The following WIPF2 variants were observed in gnomAD, a reference collection of about 807,000 sequenced individuals.
WIPF2 encodes WAS/WASL-interacting protein family member 2.
Under a neutral mutation model 38.8 loss-of-function variants are expected in WIPF2, and 23 were observed. The observed-to-expected ratio is 0.59, with a 90% CI of 0.43 to 0.84. The LOEUF (loss-of-function observed/expected upper bound fraction) is 0.84, where lower values mean the gene tolerates loss of function less well. Ranked by LOEUF, WIPF2 falls within the 40% of genes least tolerant of loss-of-function variation. WIPF2 has a pLI of 0.00. For synonymous variants in WIPF2, 210 were observed against 223.2 expected (o/e 0.94, Z 0.53); for missense variants, 574 against 580.5 (o/e 0.99, Z 0.11).
At chr17:40,267,525 G>A (rs1265584603) in intron 5 of WIPF2, among the ~76,000 whole-genome samples, 1 of 152,018 alleles carries the variant, frequency 6.6e-6, no homozygotes, top group East Asian at 1.9e-4. Context: ...CAGCTTCTTG[G>A]CCTTTATTTA....
chr17:40,240,960 A>G (rs1370444678), intron 1 of WIPF2, among the ~76,000 whole-genome samples: 4 of 151,988 alleles, frequency 2.6e-5, no homozygotes, highest in Non-Finnish European at 4.4e-5. Context: ...AAAAAAAAAA[A>G]AATCCTTTTG....
intron 1 of WIPF2, among the ~76,000 whole-genome samples, chr17:40,251,167 G>A (rs1323745315): frequency 6.6e-6 from 1 of 151,992 alleles, no homozygotes; most frequent in Admixed American, 6.6e-5. Flanking sequence ...GCCCTCCTCG[G>A]CCTCCCAAAG....
chr17:40,263,755 C>G (rs1330592612), intron 4 of WIPF2, among the ~76,000 whole-genome samples: 1 of 151,660 alleles, frequency 6.6e-6, no homozygotes, highest in African/African-American at 2.4e-5. Context: ...GTTGGCCAGG[C>G]TGGTCTCAAA....
At chr17:40,227,903 A>T (rs1360713543) in intron 1 of WIPF2, among the ~76,000 whole-genome samples, 1 of 151,826 alleles carries the variant, frequency 6.6e-6, no homozygotes, top group African/African-American at 2.4e-5. Context: ...GTACATATAA[A>T]GCAAATATGT....
chr17:40,253,856 G>C (rs1452240584), intron 1 of WIPF2, among the ~76,000 whole-genome samples: 2 of 152,120 alleles, frequency 1.3e-5, no homozygotes, highest in Non-Finnish European at 2.9e-5. Context: ...TCCTGCAGTG[G>C]TTTTTGGTTT....
At chr17:40,270,290 C>T (rs941377580) in intron 5 of WIPF2, among the ~76,000 whole-genome samples, 7 of 148,556 alleles carry the variant, frequency 4.7e-5, no homozygotes, top group East Asian at 2.0e-4. Context: ...GGCATGAACC[C>T]GGGAGGCGGA....
intron 1 of WIPF2, among the ~76,000 whole-genome samples, chr17:40,233,023 C>G (rs1378516290): frequency 6.6e-6 from 1 of 152,116 alleles, no homozygotes; most frequent in Non-Finnish European, 1.5e-5. Flanking sequence ...CATATTTGCC[C>G]TCTGTTAGAG....
intron 1 of WIPF2, among the ~76,000 whole-genome samples, chr17:40,233,317 G>GT (rs936187663): frequency 1.3e-5 from 2 of 151,760 alleles, no homozygotes; most frequent in African/African-American, 4.8e-5. Context: ...TTTGGTAATT[G>GT]TTTTTTGTCA....
At position 40,264,889 on chromosome 17, in the gene WIPF2, A is replaced by C; in HGVS notation, c.713A>C (p.Asn238Thr). The C allele has an allele frequency of 6.2e-7, 1 of 1,614,128 alleles. No individual in the cohort carries two copies. The highest frequency in any genetic ancestry group is 8.5e-7 in the Non-Finnish European group (1 of 1,180,024). ...GTCAAACCACCTCCTTCCCCTGTGA[A>C]TATCAGAACAGGACCAAGTGGCCAG... is the stretch of plus-strand genomic sequence containing the variant. ...PPVKPPPSPV[N>T]IRTGPSGQSL... The change falls in exon 5 of 8, where the codon AAT becomes ACT. Residue 238 changes from asparagine to threonine, a missense_variant. Transcript: ENST00000323571.
intron 1 of WIPF2, chr17:40,220,685 C>T (rs1471324041): frequency 2.1e-5 from 3 of 142,820 alleles, no homozygotes; most frequent in Non-Finnish European, 4.5e-5. Flanking sequence ...CCAGGCTAGT[C>T]TGGAATTCCT....
Position 40,239,165 on chromosome 17 carries a change from A to G in WIPF2, c.-69-17226A>G, listed in dbSNP as rs1015467074. On this transcript the variant is annotated intron_variant, in intron 1 of 7. Coordinates refer to ENST00000323571, the MANE Select transcript of WIPF2 (RefSeq NM_133264.5). ...CGGCTCACTGCAAGCTCCGCCTCCCAGGTTCACGCCATTCTCCTGCCTCAG... is the reference window on the plus strand; with the variant it reads ...CGGCTCACTGCAAGCTCCGCCTCCCGGGTTCACGCCATTCTCCTGCCTCAG... Among the ~76,000 whole-genome samples, 3 of 150,236 alleles carry G rather than the reference A, an allele frequency of 2.0e-5. No individual in the cohort carries two copies. The East Asian group carries it at 6.0e-4, about 30-fold the overall frequency.
chr17:40,229,743 T>C (rs2030663979), intron 1 of WIPF2, among the ~76,000 whole-genome samples: 1 of 152,172 alleles, frequency 6.6e-6, no homozygotes, highest in Non-Finnish European at 1.5e-5. Context: ...ATTAAACAAA[T>C]AATTATTACT....
chr17:40,231,318 CA>C (rs2030729999), intron 1 of WIPF2, among the ~76,000 whole-genome samples: 1 of 151,930 alleles, frequency 6.6e-6, no homozygotes, highest in Non-Finnish European at 1.5e-5. Flanking sequence ...AAGTCTGGAT[CA>C]GCATTTTATG....
chr17:40,251,685 A>G (rs1441429250), intron 1 of WIPF2, among the ~76,000 whole-genome samples: 1 of 152,218 alleles, frequency 6.6e-6, no homozygotes, highest in Non-Finnish European at 1.5e-5. Flanking sequence ...TATGAGGCCT[A>G]ACTCTGCACT....
intron 1 of WIPF2, among the ~76,000 whole-genome samples, chr17:40,228,709 G>A (rs1401094212): frequency 6.6e-6 from 1 of 151,642 alleles, no homozygotes; most frequent in Non-Finnish European, 1.5e-5. Flanking sequence ...GTTCATTGTA[G>A]CCTCAACCTT....
chr17:40,258,534 T>TGGCGC (rs2031800050), intron 2 of WIPF2, among the ~76,000 whole-genome samples: 5 of 151,974 alleles, frequency 3.3e-5, no homozygotes, highest in Admixed American at 3.3e-4. Flanking sequence ...AGGGTTGCAG[T>TGGCGC]GAGCCGAGAT....
In WIPF2 at chr17:40,242,944, T is replaced by C. The variant is rs192300519; in HGVS notation, c.-69-13447T>C. On this transcript the variant is annotated intron_variant, in intron 1 of 7. Transcript: ENST00000323571. ...GGGCGTGAGGTCATTCCCTGACTTC[T>C]GTTTTGGATGATTTTCAGATATTTA... Among the ~76,000 whole-genome samples the C allele has an allele frequency of 2.0e-5, 3 of 152,370 alleles. No homozygotes were observed. The East Asian group carries it at 5.8e-4, about 29-fold the overall frequency.
At position 40,252,971 on chromosome 17, in the gene WIPF2, G is replaced by A. The variant is rs9913186; in HGVS notation, c.-69-3420G>A. On this transcript the variant is annotated intron_variant, in intron 1 of 7. Transcript: ENST00000323571. The stretch of plus-strand genomic sequence containing the variant: ...GTAGAGATGGGGTTTCTTCCATGTT[G>A]GTCAGGCTGGTCTCGAACTCCTGGC... Among the ~76,000 whole-genome samples, 132 of 151,748 alleles carry A rather than the reference G, an allele frequency of 8.7e-4. 2 individuals carry two copies. Among genetic ancestry groups the A allele is most frequent in the African/African-American group, 3.1e-3 (127 of 41,388 alleles).
chr17:40,270,070 A>G (rs17617263), intron 5 of WIPF2, among the ~76,000 whole-genome samples: 2,305 of 152,054 alleles, frequency 0.015, 29 homozygotes, highest in Non-Finnish European at 0.023. Flanking sequence ...AAACAGTCTT[A>G]AAACTGGATC....
Sources: allele counts gnomAD v4.1 joint callset (sites outside exome capture counted in the v4.1 genomes callset), GRCh38; gene constraint gnomAD v4.1.1; transcripts MANE v1.5; gene names NCBI Gene and HGNC (gene_info 2026-07-23, HGNC 2026-07-21).